The following CEP63 variants were observed in gnomAD, a reference collection of about 807,000 sequenced individuals.
The protein encoded by CEP63 is centrosomal protein 63.
A neutral mutation model predicts 89.1 loss-of-function variants in CEP63; 84 were observed. The ratio of observed to expected loss-of-function variants is 0.94; its 90% CI spans 0.79 to 1.13. CEP63 has a LOEUF of 1.13. CEP63 is among the 50% of genes most tolerant of loss of function. The pLI, the probability that CEP63 is intolerant of heterozygous loss-of-function variation, is 0.00. For missense variants in CEP63, 838 were observed against 813.3 expected (o/e 1.03, Z -0.37); for synonymous variants, 267 against 272.5 (o/e 0.98, Z 0.20).
At chr3:134,534,913 A>T (rs941524643) in intron 5 of CEP63, among the ~76,000 whole-genome samples, 1 of 151,108 alleles carries the variant, frequency 6.6e-6, no homozygotes, top group Non-Finnish European at 1.5e-5. Flanking sequence ...TAGACTTCCA[A>T]CTCTTGTGTC....
intron 3 of CEP63, among the ~76,000 whole-genome samples, chr3:134,519,057 T>TA (rs1027898519): frequency 2.0e-4 from 30 of 151,164 alleles, no homozygotes; most frequent in Admixed American, 2.0e-3. Context: ...TTAGATATAA[T>TA]AAAAAATCCC....
At chr3:134,495,797 T>A (rs1939657222) in intron 2 of CEP63, among the ~76,000 whole-genome samples, 3 of 152,230 alleles carry the variant, frequency 2.0e-5, no homozygotes, top group Admixed American at 2.0e-4. Context: ...GTGAACTTTT[T>A]TAGACCCCAC....
chr3:134,737,848 G>A, the CEP63 span, among the ~76,000 whole-genome samples: 3 of 152,130 alleles, frequency 2.0e-5, no homozygotes, highest in African/African-American at 4.8e-5. Flanking sequence ...TTGTCTCAGG[G>A]CCTCTCCTTC....
the CEP63 span, among the ~76,000 whole-genome samples, chr3:134,688,918 T>TTAG: frequency 6.6e-6 from 1 of 152,196 alleles, no homozygotes; most frequent in Non-Finnish European, 1.5e-5. Flanking sequence ...CCACCAAGGG[T>TTAG]TAGCTCCTGG....
At chr3:134,596,172 T>C in the CEP63 span, among the ~76,000 whole-genome samples, 9 of 152,102 alleles carry the variant, frequency 5.9e-5, no homozygotes, top group Admixed American at 2.0e-4. Flanking sequence ...AACAGGGCCA[T>C]GGGGAAAATT....
At chr3:134,597,132 T>A in the CEP63 span, among the ~76,000 whole-genome samples, 6 of 152,158 alleles carry the variant, frequency 3.9e-5, no homozygotes, top group African/African-American at 1.2e-4. Flanking sequence ...GTCTCATCCC[T>A]GAGCAATGGG....
the CEP63 span, among the ~76,000 whole-genome samples, chr3:134,740,207 C>T: frequency 2.6e-5 from 4 of 152,154 alleles, no homozygotes; most frequent in Non-Finnish European, 4.4e-5. Context: ...TTGCTCTTCT[C>T]GCTCCTCTTC....
At chr3:134,509,142 A>G (rs1559898889) in intron 3 of CEP63, among the ~76,000 whole-genome samples, 1 of 152,190 alleles carries the variant, frequency 6.6e-6, no homozygotes, top group South Asian at 2.1e-4. Context: ...TGGGTAATTT[A>G]TAAAGGAAAG....
At position 134,558,222 on chromosome 3, in the gene CEP63, A is replaced by G; in HGVS notation, c.1548A>G (p.Leu516=). ...AATTAGTGTCTGAAAATCAACAACT[A>G]CAGAAAGATTTGATGAATACCAAAT... ...LNKLVSENQQ[L]QKDLMNTKSQ... Residue 516 remains leucine (L), a synonymous_variant, in exon 13 of 15, where the codon CTA becomes CTG. Coordinates refer to ENST00000675561, the MANE Select transcript of CEP63 (RefSeq NM_001353108.3). 3 of 1,613,522 alleles carry G rather than the reference A, an allele frequency of 1.9e-6. No individual in the cohort carries two copies. Among genetic ancestry groups the G allele is most frequent in the Non-Finnish European group, 2.5e-6 (3 of 1,179,498 alleles).
chr3:134,494,354 G>T (rs890002232), intron 1 of CEP63, among the ~76,000 whole-genome samples: 1 of 151,588 alleles, frequency 6.6e-6, no homozygotes, highest in Non-Finnish European at 1.5e-5. Flanking sequence ...GACCTCAGGT[G>T]ATCCGCCTCC....
chr3:134,626,634 G>T, the CEP63 span, among the ~76,000 whole-genome samples: 3 of 152,234 alleles, frequency 2.0e-5, no homozygotes, highest in African/African-American at 7.2e-5. Context: ...CCTGAGAGAT[G>T]TGGGGAGAAG....
At chr3:134,590,321 G>T (rs1326976496), downstream of CEP63, among the ~76,000 whole-genome samples, 1 of 152,064 alleles carries the variant, frequency 6.6e-6, no homozygotes, top group Non-Finnish European at 1.5e-5. Flanking sequence ...TAAATGATTA[G>T]AATTAATTAG....
chr3:134,740,524 C>T, the CEP63 span, among the ~76,000 whole-genome samples: 5 of 152,180 alleles, frequency 3.3e-5, no homozygotes, highest in South Asian at 1.0e-3. Flanking sequence ...GTCTCGATCT[C>T]CTGACCTCGT....
intron 2 of CEP63, among the ~76,000 whole-genome samples, chr3:134,502,496 T>G (rs1344389920): frequency 1.3e-5 from 2 of 152,162 alleles, no homozygotes; most frequent in African/African-American, 4.8e-5. Context: ...TTTAATTTTA[T>G]AACTCGTTAT....
At chr3:134,548,001 G>T (rs1022307291) in intron 9 of CEP63, among the ~76,000 whole-genome samples, 2 of 152,096 alleles carry the variant, frequency 1.3e-5, no homozygotes, top group African/African-American at 4.8e-5. Context: ...CCATACCTGT[G>T]CCTTTCTGCA....
intron 5 of CEP63, chr3:134,536,133 C>T (rs1260844976): frequency 1.3e-5 from 2 of 152,220 alleles, no homozygotes; most frequent in African/African-American, 4.8e-5. Context: ...TCTGGCCATC[C>T]CTTTTAAAAA....
At chr3:134,761,778 G>A in the CEP63 span, among the ~76,000 whole-genome samples, 1 of 152,090 alleles carries the variant, frequency 6.6e-6, no homozygotes, top group Non-Finnish European at 1.5e-5. Flanking sequence ...CTCAAGAGAG[G>A]AGAGCCCTTC....
Position 134,552,354 on chromosome 3 carries a change from C to G in CEP63, c.1467+342C>G, listed in dbSNP as rs2888669. 1,702 of 176,016 alleles carry G rather than the reference C, an allele frequency of 9.7e-3. 35 individuals are homozygous for G. Among genetic ancestry groups the G allele is most frequent in the African/African-American group, 0.039 (1,621 of 41,960 alleles). The allele number at this position is 176,016 out of a possible 1,614,324, so 10.9% of individuals were successfully genotyped here. ...GAGTAACTGGGATCACAGGCATGCG[C>G]CACCACACCTGGCTGATGTTGTATT... On this transcript the variant is annotated intron_variant, in intron 12 of 14. Coordinates refer to ENST00000675561, the MANE Select transcript of CEP63 (RefSeq NM_001353108.3).
At chr3:134,543,188 T>C (rs541992153) in intron 6 of CEP63, among the ~76,000 whole-genome samples, 1 of 152,324 alleles carries the variant, frequency 6.6e-6, no homozygotes, top group South Asian at 2.1e-4. Flanking sequence ...TTCAACTCAA[T>C]ATGTCAGAAA....
Sources: gnomAD v4.1 joint callset for allele counts (sites outside exome capture counted in the v4.1 genomes callset) on GRCh38, gnomAD v4.1.1 for gene constraint, MANE v1.5 for transcripts, NCBI Gene and HGNC (gene_info 2026-07-23, HGNC 2026-07-21) for gene names.